The following AATF variants were observed in gnomAD, a reference collection of about 807,000 sequenced individuals.
AATF encodes the protein protein AATF.
AATF carries 48 observed loss-of-function variants against 63.7 expected under a neutral mutation model. That is an observed-to-expected ratio of 0.75 (90% CI 0.60 to 0.96). AATF has a LOEUF of 0.96. AATF is among the 40% of genes least tolerant of loss of function. The probability of loss-of-function intolerance (pLI) is 0.00; values close to 1 mark genes in which losing one functional copy is unlikely to be tolerated. For synonymous variants in AATF, 258 were observed against 247.7 expected (o/e 1.04, Z -0.39); for missense variants, 639 against 685.7 (o/e 0.93, Z 0.76).
chr17:36,956,582 A>G (rs1003850348), intron 4 of AATF, among the ~76,000 whole-genome samples: 6 of 151,886 alleles, frequency 4.0e-5, no homozygotes, highest in Non-Finnish European at 5.9e-5. Flanking sequence ...CTGAGGCAGG[A>G]GAATTGCTTG....
In AATF at chr17:36,989,115, C is replaced by A. The variant is rs573285081; in HGVS notation, c.1150-132C>A. The A allele has an allele frequency of 7.5e-6, 8 of 1,068,550 alleles. No individual in the cohort carries two copies. The African/African-American group carries it at 9.5e-5, about 13-fold the overall frequency. The allele number at this position is 1,068,550 out of a possible 1,614,324, so 66.2% of individuals were successfully genotyped here. Reference sequence around the variant, plus strand: ...AATTATAGCCACTCACAAACTCAGTCCTTTACAGAAAGTCCCTCCTGAAAA... The same window carrying A: ...AATTATAGCCACTCACAAACTCAGTACTTTACAGAAAGTCCCTCCTGAAAA... On this transcript the variant is annotated intron_variant, in intron 6 of 11. Transcript: ENST00000619387.
At chr17:37,011,889 A>G (rs117994673) in intron 8 of AATF, among the ~76,000 whole-genome samples, 4 of 152,228 alleles carry the variant, frequency 2.6e-5, no homozygotes, top group Non-Finnish European at 5.9e-5. Context: ...TGAATGGGCA[A>G]TGTGGAGTGG....
intron 4 of AATF, among the ~76,000 whole-genome samples, chr17:36,966,830 C>T (rs956252886): frequency 6.6e-6 from 1 of 152,122 alleles, no homozygotes; most frequent in Admixed American, 6.5e-5. Context: ...TCTCAAACTC[C>T]TGGCCTCAAG....
intron 6 of AATF, 121 bp downstream of exon 6, chr17:36,988,841 C>T: frequency 1.0e-6 from 1 of 986,320 alleles, no homozygotes; most frequent in African/African-American, 1.6e-5. Flanking sequence ...GGTAATCATT[C>T]ATTTCTATAG....
chr17:37,018,296 C>T (rs1298980298), intron 8 of AATF, among the ~76,000 whole-genome samples: 1 of 152,180 alleles, frequency 6.6e-6, no homozygotes, highest in Non-Finnish European at 1.5e-5. Flanking sequence ...CTTAAAATGA[C>T]AGTAGGAGAG....
At position 36,949,205 on chromosome 17, in the gene AATF, A is replaced by C; in HGVS notation, c.80A>C (p.Asp27Ala). 6.3e-7 allele frequency: 1 copy of C among 1,591,400 alleles called. No homozygotes were observed. Among genetic ancestry groups the C allele is most frequent in the Non-Finnish European group, 8.5e-7 (1 of 1,170,712 alleles). ...CCAAGCGAGGCGGACCCTGAAGCGG[A>C]CCCCGAGGAAGGTGAGGCCGGACTG... is the stretch of plus-strand genomic sequence containing the variant. The part of the protein sequence containing the change: ...PRPSEADPEA[D>A]PEEATAARVI... The change falls in exon 1 of 12, where the codon GAC becomes GCC. Residue 27 changes from aspartate to alanine, a missense_variant. Physicochemically the swap from Asp to Ala is moderately radical, Grantham distance 126. Transcript: ENST00000619387.
intron 10 of AATF, among the ~76,000 whole-genome samples, chr17:37,025,199 C>T (rs949303666): frequency 2.0e-5 from 3 of 152,040 alleles, no homozygotes. Context: ...AGAGAGGCTG[C>T]AAGGAGAACA....
intron 11 of AATF, among the ~76,000 whole-genome samples, chr17:37,047,286 C>G (rs561884352): frequency 1.3e-5 from 2 of 152,214 alleles, no homozygotes; most frequent in African/African-American, 2.4e-5. Flanking sequence ...CCTCCCCCAC[C>G]CCTCTGCTTT....
intron 11 of AATF, among the ~76,000 whole-genome samples, chr17:37,038,041 A>G (rs561496260): frequency 1.3e-5 from 2 of 152,318 alleles, no homozygotes; most frequent in South Asian, 4.1e-4. Flanking sequence ...CTTCCTGTAC[A>G]GCCTGCAGAA....
At chr17:36,955,035 C>T (rs1276250624) in intron 4 of AATF, among the ~76,000 whole-genome samples, 1 of 152,104 alleles carries the variant, frequency 6.6e-6, no homozygotes, top group Non-Finnish European at 1.5e-5. Context: ...GCCTTGGCCT[C>T]CCAAAGTGTT....
At chr17:37,010,807 G>T (rs1441216327) in intron 8 of AATF, among the ~76,000 whole-genome samples, 1 of 152,196 alleles carries the variant, frequency 6.6e-6, no homozygotes, top group Non-Finnish European at 1.5e-5. Context: ...AGCAGCCTCT[G>T]GTGTGAGGGC....
intron 10 of AATF, among the ~76,000 whole-genome samples, chr17:37,030,752 T>TGCAGACCCCTTTTCTGCCTTG (rs2071545857): frequency 6.6e-6 from 1 of 152,122 alleles, no homozygotes; most frequent in African/African-American, 2.4e-5. Flanking sequence ...GACGTGGAAT[T>TGCAGACCCCTTTTCTGCCTTG]GCAGACCCCT....
chr17:37,038,664 G>A (rs1471723541), intron 11 of AATF, among the ~76,000 whole-genome samples: 1 of 152,002 alleles, frequency 6.6e-6, no homozygotes. Flanking sequence ...CATTTTGTAG[G>A]TACTCCATTC....
At chr17:36,986,574 T>C (rs2071170260) in intron 4 of AATF, 43 bp from the exon 5 acceptor site, 2 of 1,526,032 alleles carry the variant, frequency 1.3e-6, no homozygotes, top group Admixed American at 1.7e-5. Context: ...CTTTGGAGAA[T>C]TGTAGATAAT....
At chr17:37,024,791 T>G (rs1356626945) in intron 10 of AATF, among the ~76,000 whole-genome samples, 1 of 152,070 alleles carries the variant, frequency 6.6e-6, no homozygotes, top group Non-Finnish European at 1.5e-5. Flanking sequence ...AAACCCCGTC[T>G]CTACTAAAAA....
intron 8 of AATF, among the ~76,000 whole-genome samples, chr17:36,994,501 A>G (rs1017780682): frequency 6.6e-5 from 10 of 152,234 alleles, no homozygotes; most frequent in African/African-American, 2.4e-4. Context: ...TGAAGGTTTT[A>G]TGAGAGAAAC....
chr17:37,031,713 A>G, intron 11 of AATF, 28 bp downstream of exon 11: 1 of 1,578,226 alleles, frequency 6.3e-7, no homozygotes, highest in Non-Finnish European at 8.7e-7. Context: ...TATGTGTCTC[A>G]AATGGCTTCA....
chr17:36,981,821 G>A (rs2071127994), intron 4 of AATF, among the ~76,000 whole-genome samples: 1 of 151,066 alleles, frequency 6.6e-6, no homozygotes, highest in Admixed American at 6.6e-5. Flanking sequence ...ACAGGCATGA[G>A]CCACGGTAAC....
chr17:36,954,730 C>G (rs544875049), intron 4 of AATF, among the ~76,000 whole-genome samples: 2 of 152,096 alleles, frequency 1.3e-5, no homozygotes, highest in Non-Finnish European at 2.9e-5. Context: ...AATGACTTGC[C>G]CAAAGTTGCA....
Sources: allele counts gnomAD v4.1 joint callset (sites outside exome capture counted in the v4.1 genomes callset), GRCh38; gene constraint gnomAD v4.1.1; transcripts MANE v1.5; gene names NCBI Gene and HGNC (gene_info 2026-07-23, HGNC 2026-07-21).